BTRC: variants seen among roughly 807,000 people sequenced by gnomAD.
BTRC encodes beta-transducin repeat containing E3 ubiquitin protein ligase, also known as F-box/WD repeat-containing protein 1A.
BTRC carries 42 observed loss-of-function variants against 85.5 expected under a neutral mutation model. The observed-to-expected ratio is 0.49, with a 90% CI of 0.38 to 0.64. The LOEUF is 0.64. Ranked by LOEUF, BTRC falls within the 30% of genes least tolerant of loss-of-function variation. BTRC has a pLI of 0.00. For synonymous variants in BTRC, 255 were observed against 263.3 expected (o/e 0.97, Z 0.30); for missense variants, 594 against 743.5 (o/e 0.80, Z 2.34).
rs547294033 is a variant in BTRC, at chr10:101,511,981, T to A, written c.325-9658T>A. Among the ~76,000 whole-genome samples, 7 of 152,338 alleles carry A rather than the reference T, an allele frequency of 4.6e-5. No homozygotes were observed. In the South Asian group the frequency reaches 1.2e-3, roughly 27 times the overall value. ...ACTCCTTATTTTATCTTTCTTTGTTTTCTTCACAATCCTTACTGGTTTGTG... is the reference window on the plus strand; with the variant it reads ...ACTCCTTATTTTATCTTTCTTTGTTATCTTCACAATCCTTACTGGTTTGTG... On this transcript the variant is annotated intron_variant, in intron 4 of 14. Transcript: ENST00000370187.
At chr10:101,534,576 T>C (rs2062355852) in intron 9 of BTRC, 85 bp from the exon 10 acceptor site, 4 of 1,534,494 alleles carry the variant, frequency 2.6e-6, no homozygotes, top group Non-Finnish European at 3.6e-6. Flanking sequence ...TCTCTAAATA[T>C]AAGGGGTGGA....
chr10:101,361,192 A>G (rs879541321), intron 1 of BTRC, among the ~76,000 whole-genome samples: 1 of 151,944 alleles, frequency 6.6e-6, no homozygotes, highest in Non-Finnish European at 1.5e-5. Context: ...CTGCAACCTC[A>G]GCTTCCTGGG....
At chr10:101,468,975 A>G (rs1275704697) in intron 3 of BTRC, among the ~76,000 whole-genome samples, 1 of 152,204 alleles carries the variant, frequency 6.6e-6, no homozygotes, top group African/African-American at 2.4e-5. Flanking sequence ...CAGTGTGAAA[A>G]TTGAAAACTT....
chr10:101,404,314 G>C (rs1484769192), intron 1 of BTRC, among the ~76,000 whole-genome samples: 1 of 151,896 alleles, frequency 6.6e-6, no homozygotes, highest in African/African-American at 2.4e-5. Flanking sequence ...ACAGGTGTGA[G>C]CCACCGCGCC....
chr10:101,406,524 C>CTTTTTTTTT (rs58902120), intron 1 of BTRC, among the ~76,000 whole-genome samples: 5 of 50,426 alleles, frequency 9.9e-5, no homozygotes, highest in Admixed American at 3.4e-4. Flanking sequence ...TCTCAGGTTT[C>CTTTTTTTTT]TTTTTTTTTT....
intron 1 of BTRC, among the ~76,000 whole-genome samples, chr10:101,425,160 A>G (rs931470974): frequency 3.3e-5 from 5 of 152,126 alleles, no homozygotes; most frequent in African/African-American, 1.2e-4. Flanking sequence ...TTAGTATTCC[A>G]TGGTATATGT....
At chr10:101,380,993 G>C (rs1942913744) in intron 1 of BTRC, among the ~76,000 whole-genome samples, 1 of 152,098 alleles carries the variant, frequency 6.6e-6, no homozygotes, top group Admixed American at 6.5e-5. Flanking sequence ...TCTAAACATA[G>C]AAAGGGTACG....
chr10:101,385,840 G>T (rs376103768), intron 1 of BTRC, among the ~76,000 whole-genome samples: 22 of 139,994 alleles, frequency 1.6e-4, no homozygotes, highest in East Asian at 1.0e-3. Context: ...TTTTTTTTTT[G>T]ATTCTTGCAT....
chr10:101,397,376 C>T (rs1943390633), intron 1 of BTRC, among the ~76,000 whole-genome samples: 1 of 152,160 alleles, frequency 6.6e-6, no homozygotes, highest in South Asian at 2.1e-4. Flanking sequence ...TGTATTGCAG[C>T]TTTAGTCCAC....
intron 10 of BTRC, 51 bp from the exon 11 acceptor site, chr10:101,535,303 T>G: frequency 7.1e-7 from 1 of 1,399,406 alleles, no homozygotes; most frequent in Non-Finnish European, 1.0e-6. Flanking sequence ...TGCCATAGAT[T>G]TTACCAATAA....
At chr10:101,377,872 G>C (rs1942829148) in intron 1 of BTRC, among the ~76,000 whole-genome samples, 1 of 151,830 alleles carries the variant, frequency 6.6e-6, no homozygotes, top group Admixed American at 6.6e-5. Flanking sequence ...TGACTTCAGA[G>C]CATTTTTTTT....
intron 4 of BTRC, among the ~76,000 whole-genome samples, chr10:101,512,862 G>C (rs1412740252): frequency 1.3e-5 from 2 of 152,186 alleles, no homozygotes; most frequent in African/African-American, 4.8e-5. Context: ...AAACAAAAAA[G>C]AAGAGGGAGA....
intron 2 of BTRC, among the ~76,000 whole-genome samples, chr10:101,431,037 T>C (rs1225520635): frequency 6.6e-6 from 1 of 151,374 alleles, no homozygotes; most frequent in Non-Finnish European, 1.5e-5. Context: ...TAGTGTTTCA[T>C]GAATTAACAG....
intron 1 of BTRC, among the ~76,000 whole-genome samples, chr10:101,427,553 G>A (rs1344037057): frequency 4.0e-5 from 6 of 148,546 alleles, no homozygotes; most frequent in African/African-American, 1.5e-4. Flanking sequence ...CTTTCCACAG[G>A]GTCTTGCTTT....
At chr10:101,428,562 A>G (rs1389991882) in intron 1 of BTRC, among the ~76,000 whole-genome samples, 1 of 152,162 alleles carries the variant, frequency 6.6e-6, no homozygotes, top group African/African-American at 2.4e-5. Flanking sequence ...CCCAGTGTCC[A>G]CTTTATGACT....
chr10:101,410,807 A>G (rs978206562), intron 1 of BTRC, among the ~76,000 whole-genome samples: 11 of 152,102 alleles, frequency 7.2e-5, no homozygotes, highest in African/African-American at 2.7e-4. Flanking sequence ...CAGCCTGGAA[A>G]TATTTCACTT....
chr10:101,481,103 T>C (rs561952994), intron 4 of BTRC, among the ~76,000 whole-genome samples: 3 of 152,006 alleles, frequency 2.0e-5, no homozygotes, highest in African/African-American at 7.2e-5. Flanking sequence ...TGGTTTTCGG[T>C]TTTTTAGAGT....
chr10:101,464,472 TC>T (rs1164177742), intron 3 of BTRC, among the ~76,000 whole-genome samples: 2 of 152,190 alleles, frequency 1.3e-5, no homozygotes, highest in African/African-American at 4.8e-5. Context: ...GTTGTTTTTT[TC>T]ATTGCCGTTT....
intron 13 of BTRC, among the ~76,000 whole-genome samples, chr10:101,541,942 A>C (rs2062475132): frequency 1.1e-5 from 1 of 88,304 alleles, no homozygotes; most frequent in African/African-American, 6.7e-5. Context: ...TGTTGGCCTT[A>C]TAAAATTTTG....
Sources: allele counts gnomAD v4.1 joint callset (sites outside exome capture counted in the v4.1 genomes callset), GRCh38; gene constraint gnomAD v4.1.1; transcripts MANE v1.5; gene names NCBI Gene and HGNC (gene_info 2026-07-23, HGNC 2026-07-21).